Variants in PTPN11 observed in about 807,000 individuals in gnomAD.
PTPN11 encodes the protein protein tyrosine phosphatase non-receptor type 11, also known as tyrosine-protein phosphatase non-receptor type 11.
A neutral mutation model predicts 78.8 loss-of-function variants in PTPN11; 6 were observed. The ratio of observed to expected loss-of-function variants is 0.08; its 90% CI spans 0.04 to 0.15. The LOEUF is 0.15. Among genes scored for constraint, PTPN11 ranks in the 10% least tolerant of loss-of-function variants. The pLI is 1.00. For missense variants in PTPN11, 386 were observed against 744.8 expected (o/e 0.52, Z 5.61); for synonymous variants, 221 against 263.5 (o/e 0.84, Z 1.56).
At chr12:112,494,817 A>T (rs1398353355) in intron 13 of PTPN11, among the ~76,000 whole-genome samples, 2 of 152,132 alleles carry the variant, frequency 1.3e-5, no homozygotes, top group Admixed American at 6.5e-5. Flanking sequence ...TCGACTTATG[A>T]TTTTTGATTT....
intron 6 of PTPN11, among the ~76,000 whole-genome samples, chr12:112,468,182 A>G (rs1211135013): frequency 6.6e-6 from 1 of 152,140 alleles, no homozygotes; most frequent in Non-Finnish European, 1.5e-5. Flanking sequence ...CCTCATTAGC[A>G]TCCCTGCCAA....
intron 1 of PTPN11, among the ~76,000 whole-genome samples, chr12:112,442,215 A>G (rs2037904769): frequency 6.6e-6 from 1 of 152,212 alleles, no homozygotes; most frequent in Non-Finnish European, 1.5e-5. Context: ...GCAAAATAGT[A>G]CAAATAATTC....
intron 13 of PTPN11, among the ~76,000 whole-genome samples, chr12:112,495,432 T>C (rs537759733): frequency 3.3e-5 from 5 of 152,202 alleles, no homozygotes; most frequent in Non-Finnish European, 5.9e-5. Context: ...TTTAATCTTA[T>C]GTTTTCTCAT....
At position 112,486,492 on chromosome 12, in the gene PTPN11, G is replaced by A. The variant is rs552394167; in HGVS notation, c.1242G>A (p.Thr414=). The A allele has an allele frequency of 1.1e-5, 18 of 1,613,934 alleles. No homozygotes were observed. Among genetic ancestry groups the A allele is most frequent in the South Asian group, 2.2e-5 (2 of 91,074 alleles). The change falls in exon 11 of 16, where the codon ACG becomes ACA. Residue 414 remains threonine, a synonymous_variant. Transcript: ENST00000351677. The part of the protein sequence containing the change: ...SKVGQGNTER[T]VWQYHFRTWP... ...TACTCCAGGGGAATACGGAGAGAACGGTCTGGCAATACCACTTTCGGACCT... is the reference window on the plus strand; with the variant it reads ...TACTCCAGGGGAATACGGAGAGAACAGTCTGGCAATACCACTTTCGGACCT...
intron 1 of PTPN11, among the ~76,000 whole-genome samples, chr12:112,441,324 C>T (rs1297383824): frequency 6.6e-6 from 1 of 150,954 alleles, no homozygotes. Context: ...TGCAGTGGTG[C>T]GATCTCTGCT....
chr12:112,429,130 A>G (rs2037670562), intron 1 of PTPN11, among the ~76,000 whole-genome samples: 3 of 152,212 alleles, frequency 2.0e-5, no homozygotes, highest in Admixed American at 1.3e-4. Flanking sequence ...CTTAAATGAC[A>G]TACATGTCAC....
chr12:112,466,100 T>C (rs541308762), intron 6 of PTPN11, among the ~76,000 whole-genome samples: 1 of 152,288 alleles, frequency 6.6e-6, no homozygotes, highest in East Asian at 1.9e-4. Context: ...AGACAGGCAG[T>C]AAACAAAGAA....
chr12:112,454,763 A>G (rs761709575), intron 5 of PTPN11, 83 bp downstream of exon 5: 35 of 906,194 alleles, frequency 3.9e-5, no homozygotes, highest in Non-Finnish European at 5.8e-5. Flanking sequence ...ATACAGAGGT[A>G]GACAGAATAG....
chr12:112,450,152 A>C (rs1451619345), intron 2 of PTPN11, among the ~76,000 whole-genome samples, 166 bp from the exon 3 acceptor site: 1 of 152,046 alleles, frequency 6.6e-6, no homozygotes, highest in Non-Finnish European at 1.5e-5. Flanking sequence ...GAGTTGGTTG[A>C]CATGTGGTTA....
At chr12:112,444,192 A>G (rs11066308) in intron 1 of PTPN11, among the ~76,000 whole-genome samples, 13,601 of 152,226 alleles carry the variant, frequency 0.089, 663 homozygotes, top group East Asian at 0.23. Flanking sequence ...TCATCCATCT[A>G]TAGACACTGT....
rs1373621596 is a variant in PTPN11 at position 112,477,950 on chromosome 12, C to T, written c.1027C>T (p.Arg343Trp). Residue 343 changes from arginine (R) to tryptophan (W), a missense_variant, in exon 9 of 16, where the codon CGG (arginine) becomes TGG (tryptophan). By Grantham distance (101) the Arg-to-Trp change is moderately radical. Transcript: ENST00000351677. ...CLQNTVNDFW[R>W]MVFQENSRVI... ...GCAAAACACGGTGAATGACTTTTGGCGGATGGTGTTCCAAGAAAACTCCCG... is the reference window on the plus strand; with the variant it reads ...GCAAAACACGGTGAATGACTTTTGGTGGATGGTGTTCCAAGAAAACTCCCG... 1.2e-6 allele frequency: 2 copies of T among 1,614,018 alleles called. No individual in the cohort carries two copies.
intron 6 of PTPN11, among the ~76,000 whole-genome samples, chr12:112,459,902 G>C (rs1391766423): frequency 6.8e-6 from 1 of 146,386 alleles, no homozygotes; most frequent in African/African-American, 2.6e-5. Flanking sequence ...ACATTTTCCT[G>C]ATTGCTACAC....
chr12:112,485,131 C>T (rs142280990), intron 10 of PTPN11, among the ~76,000 whole-genome samples: 118 of 152,062 alleles, frequency 7.8e-4, no homozygotes, highest in African/African-American at 2.7e-3. Context: ...TGCCTGTAGT[C>T]CCAGCTACTC....
intron 2 of PTPN11, among the ~76,000 whole-genome samples, chr12:112,448,676 G>A (rs900288828): frequency 1.3e-5 from 2 of 151,686 alleles, no homozygotes. Context: ...CAGCTGGATC[G>A]CATTCTATCA....
At chr12:112,465,406 G>T (rs949025777) in intron 6 of PTPN11, among the ~76,000 whole-genome samples, 4 of 149,888 alleles carry the variant, frequency 2.7e-5, no homozygotes, top group Non-Finnish European at 4.4e-5. Flanking sequence ...CTGCACTCCA[G>T]CCTGAGTGTA....
Position 112,508,276 on chromosome 12 carries a change from TATC to T in PTPN11, c.*2487_*2489del, listed in dbSNP as rs2038960450. The T allele has an allele frequency of 1.3e-5, 2 of 152,618 alleles. No individual in the cohort carries two copies. Among genetic ancestry groups the T allele is most frequent in the African/African-American group, 4.8e-5 (2 of 41,456 alleles). 9.5% of individuals were successfully genotyped at this position (152,618 alleles called of 1,614,324 possible). A position where few individuals can be genotyped will look rare whatever the true frequency, so the allele number is the denominator to read the frequency against. ...TGTAAACTTAGGCCAAGGCCAGAGT[TATC>T]ATAGTCCCTAGGTTGCTACGGCTTA... On this transcript the variant is annotated 3_prime_UTR_variant, in exon 16 of 16. Transcript: ENST00000351677.
At chr12:112,454,533 A>G (rs2038124350) in intron 4 of PTPN11, 31 bp from the exon 5 acceptor site, 2 of 1,501,672 alleles carry the variant, frequency 1.3e-6, no homozygotes, top group Non-Finnish European at 1.9e-6. Flanking sequence ...AAAGGTAACA[A>G]ATAATAAATG....
intron 13 of PTPN11, among the ~76,000 whole-genome samples, chr12:112,501,014 C>T (rs1875856617): frequency 6.6e-6 from 1 of 152,180 alleles, no homozygotes; most frequent in South Asian, 2.1e-4. Flanking sequence ...AAGCAATTCT[C>T]CTGCCTCAGC....
intron 2 of PTPN11, among the ~76,000 whole-genome samples, chr12:112,446,749 T>A: frequency 6.6e-6 from 1 of 152,130 alleles, no homozygotes; most frequent in East Asian, 1.9e-4. Context: ...AATTTTTTTT[T>A]TTTTTTAAAT....
Sources: gnomAD v4.1 joint callset for allele counts (sites outside exome capture counted in the v4.1 genomes callset) on GRCh38, gnomAD v4.1.1 for gene constraint, MANE v1.5 for transcripts, NCBI Gene and HGNC (gene_info 2026-07-23, HGNC 2026-07-21) for gene names.